The following GLCE variants were observed in gnomAD, a reference collection of about 807,000 sequenced individuals.
GLCE encodes the protein D-glucuronyl C5-epimerase.
In GLCE, 19 loss-of-function variants were observed where a neutral mutation model predicts 47.9. The observed-to-expected ratio is 0.40, with a 90% confidence interval of 0.28 to 0.58. The LOEUF (loss-of-function observed/expected upper bound fraction) is 0.58, where lower values mean the gene tolerates loss of function less well. Ranked by LOEUF, GLCE falls within the 20% of genes least tolerant of loss-of-function variation. The pLI, the probability that GLCE is intolerant of heterozygous loss-of-function variation, is 0.48. For synonymous variants in GLCE, 245 were observed against 263.4 expected, an observed-to-expected ratio of 0.93 and a Z score of 0.68; for missense variants, 556 against 743.3, an observed-to-expected ratio of 0.75 and a Z score of 2.93.
intron 1 of GLCE, among the ~76,000 whole-genome samples, chr15:69,198,835 G>A (rs766426949): frequency 1.3e-5 from 2 of 152,040 alleles, no homozygotes; most frequent in Non-Finnish European, 2.9e-5. Flanking sequence ...GATTACAGGC[G>A]TGAACCACCA....
At chr15:69,188,791 C>T (rs955733364) in intron 1 of GLCE, among the ~76,000 whole-genome samples, 9 of 152,122 alleles carry the variant, frequency 5.9e-5, no homozygotes, top group African/African-American at 2.2e-4. Flanking sequence ...TCTCCACCCC[C>T]CTCCTCCATT....
At chr15:69,186,921 T>A (rs1364824914) in intron 1 of GLCE, among the ~76,000 whole-genome samples, 1 of 152,208 alleles carries the variant, frequency 6.6e-6, no homozygotes, top group Admixed American at 6.5e-5. Flanking sequence ...CCCCAGGGTT[T>A]CACATTGGGT....
chr15:69,189,136 T>C (rs999824837), intron 1 of GLCE, among the ~76,000 whole-genome samples: 3 of 152,202 alleles, frequency 2.0e-5, no homozygotes, highest in African/African-American at 7.2e-5. Flanking sequence ...CATTATCATA[T>C]TATCATACAA....
intron 2 of GLCE, among the ~76,000 whole-genome samples, chr15:69,253,176 C>T (rs960627598): frequency 4.6e-5 from 7 of 152,210 alleles, no homozygotes; most frequent in African/African-American, 1.7e-4. Flanking sequence ...ATACAGATAG[C>T]TGGCAAGAAT....
rs142196107 is a variant in GLCE, at chr15:69,251,104, G to A, written c.-13-4690G>A. Among the ~76,000 whole-genome samples, 559 of 152,248 alleles carry A rather than the reference G, an allele frequency of 3.7e-3. 1 individual carries two copies. The highest frequency in any genetic ancestry group is 6.3e-3 in the Non-Finnish European group (428 of 68,012). On this transcript the variant is annotated intron_variant, in intron 2 of 4. Transcript: ENST00000261858. ...TTATTGAGTTGAGGAGACAGGACCA[G>A]CTGTCCTGCAGGATGTCTCACCTTC...
chr15:69,263,702 C>T (rs1348809630), intron 4 of GLCE, among the ~76,000 whole-genome samples: 1 of 152,058 alleles, frequency 6.6e-6, no homozygotes, highest in Non-Finnish European at 1.5e-5. Context: ...GCCATTCTTT[C>T]TCAGGCTTCT....
Position 69,245,461 on chromosome 15 carries a change from T to C in GLCE, c.-13-10333T>C, listed in dbSNP as rs528819053. ...ACTGGTGGAGGGTCTTCCCTTGATGTTGATGGCTGCTAAATGCTCAGGGTG... is the reference window on the plus strand; with the variant it reads ...ACTGGTGGAGGGTCTTCCCTTGATGCTGATGGCTGCTAAATGCTCAGGGTG... On this transcript the variant is annotated intron_variant, in intron 2 of 4. Coordinates refer to ENST00000261858, the MANE Select transcript of GLCE (RefSeq NM_015554.3). Among the ~76,000 whole-genome samples the C allele has an allele frequency of 4.6e-5, 7 of 152,334 alleles. No homozygotes were observed. In the South Asian group the frequency reaches 1.0e-3, roughly 23 times the overall value.
chr15:69,217,934 T>A (rs1477137913), intron 2 of GLCE, among the ~76,000 whole-genome samples: 3 of 151,534 alleles, frequency 2.0e-5, no homozygotes, highest in African/African-American at 4.9e-5. Flanking sequence ...GGCGGGCAGA[T>A]CACAAGGTCA....
At chr15:69,192,310 TA>T (rs567906718) in intron 1 of GLCE, among the ~76,000 whole-genome samples, 177 of 152,200 alleles carry the variant, frequency 1.2e-3, no homozygotes, top group Non-Finnish European at 2.0e-3. Context: ...TTCAATTTAC[TA>T]ATACTTTCTT....
chr15:69,269,026 A>G lies in GLCE; in HGVS notation c.1636A>G (p.Lys546Glu), dbSNP rs1183792616. The G allele has an allele frequency of 6.2e-7, 1 of 1,614,098 alleles. No homozygotes were observed. The highest frequency in any genetic ancestry group is 1.7e-5 in the Admixed American group (1 of 60,032). ...SLYERGMESL[K>E]AMLPLYDTGS... ...GTATGAGCGTGGCATGGAATCTCTTAAAGCCATGCTGCCCTTGTATGACAC... is the reference window on the plus strand; with the variant it reads ...GTATGAGCGTGGCATGGAATCTCTTGAAGCCATGCTGCCCTTGTATGACAC... The change falls in exon 5 of 5, where the codon AAA (lysine) becomes GAA (glutamate). Residue 546 changes from lysine (K) to glutamate (E), a missense_variant. Physicochemically the swap from Lys to Glu is moderately conservative, Grantham distance 56. Transcript: ENST00000261858.
At chr15:69,185,710 A>G (rs973497037) in intron 1 of GLCE, among the ~76,000 whole-genome samples, 2 of 152,008 alleles carry the variant, frequency 1.3e-5, no homozygotes, top group Non-Finnish European at 2.9e-5. Context: ...GACCAAAGGT[A>G]TGGGGGTTTT....
intron 1 of GLCE, among the ~76,000 whole-genome samples, chr15:69,187,589 G>C (rs2051842796): frequency 6.6e-6 from 1 of 152,098 alleles, no homozygotes; most frequent in Admixed American, 6.6e-5. Context: ...ACTCTTTGAA[G>C]ATGTTATTAT....
At chr15:69,162,300 A>G (rs569449865) in intron 1 of GLCE, among the ~76,000 whole-genome samples, 1 of 150,968 alleles carries the variant, frequency 6.6e-6, no homozygotes, top group South Asian at 2.1e-4. Context: ...AATGACTTGT[A>G]TGTATGTGTA....
intron 2 of GLCE, among the ~76,000 whole-genome samples, chr15:69,239,191 T>C (rs1487137295): frequency 1.3e-5 from 1 of 75,380 alleles, no homozygotes; most frequent in Non-Finnish European, 3.6e-5. Flanking sequence ...TAATGAAATG[T>C]TGGAAATGTG....
At position 69,252,767 on chromosome 15, in the gene GLCE, A is replaced by G. The variant is rs76126576; in HGVS notation, c.-13-3027A>G. On this transcript the variant is annotated intron_variant, in intron 2 of 4. Coordinates refer to ENST00000261858, the MANE Select transcript of GLCE (RefSeq NM_015554.3). ...TGTTGACATGTAAGTGCTTTTAATGAAGGATTTAAAAAAAAAAATAAACAC... is the reference window on the plus strand; with the variant it reads ...TGTTGACATGTAAGTGCTTTTAATGGAGGATTTAAAAAAAAAAATAAACAC... 1.0e-2 allele frequency among the ~76,000 whole-genome samples: 1,521 copies of G among 152,178 alleles called. 23 individuals are homozygous for G. Among genetic ancestry groups the G allele is most frequent in the African/African-American group, 0.032 (1,344 of 41,482 alleles).
chr15:69,229,444 A>C (rs1222839965), intron 2 of GLCE, among the ~76,000 whole-genome samples: 2 of 152,220 alleles, frequency 1.3e-5, no homozygotes, highest in African/African-American at 4.8e-5. Context: ...ACAAGGAATG[A>C]AAATTATATC....
At chr15:69,239,005 A>T (rs1460595717) in intron 2 of GLCE, among the ~76,000 whole-genome samples, 1 of 152,200 alleles carries the variant, frequency 6.6e-6, no homozygotes, top group Non-Finnish European at 1.5e-5. Flanking sequence ...ATTAATTTGT[A>T]CATTGAGAAA....
chr15:69,178,502 T>G (rs2051704967), intron 1 of GLCE, among the ~76,000 whole-genome samples: 1 of 152,108 alleles, frequency 6.6e-6, no homozygotes, highest in Non-Finnish European at 1.5e-5. Flanking sequence ...CAAGGGACTG[T>G]TATGAGTATT....
At chr15:69,165,965 G>A (rs191407740) in intron 1 of GLCE, among the ~76,000 whole-genome samples, 2 of 152,244 alleles carry the variant, frequency 1.3e-5, no homozygotes, top group East Asian at 1.9e-4. Flanking sequence ...AAGACTTCTC[G>A]CACTTTAAGA....
Sources: allele counts gnomAD v4.1 joint callset (sites outside exome capture counted in the v4.1 genomes callset), GRCh38; gene constraint gnomAD v4.1.1; transcripts MANE v1.5; gene names NCBI Gene and HGNC (gene_info 2026-07-23, HGNC 2026-07-21).